CDH13: variants seen among roughly 807,000 people sequenced by gnomAD.
The protein encoded by CDH13 is cadherin 13, also known as cadherin-13.
A neutral mutation model predicts 63.8 loss-of-function variants in CDH13; 24 were observed. The observed-to-expected ratio is 0.38, with a 90% CI of 0.27 to 0.53. CDH13 has a LOEUF of 0.53. Among genes scored for constraint, CDH13 ranks in the 20% least tolerant of loss-of-function variants. CDH13 has a pLI of 0.85. For missense variants in CDH13, 1,049 were observed against 903.1 expected (o/e 1.16, Z -2.07); for synonymous variants, 503 against 355.3 (o/e 1.42, Z -4.67).
At chr16:83,038,441 C>G (rs969330412) in intron 3 of CDH13, among the ~76,000 whole-genome samples, 1 of 152,090 alleles carries the variant, frequency 6.6e-6, no homozygotes, top group African/African-American at 2.4e-5. Context: ...AGTTTAATTC[C>G]AAGTCTTTTG....
At chr16:82,791,224 G>GA (rs913964862) in intron 1 of CDH13, among the ~76,000 whole-genome samples, 1 of 128,148 alleles carries the variant, frequency 7.8e-6, no homozygotes, top group African/African-American at 3.0e-5. Context: ...GCGACAAAGC[G>GA]AGACTCCGTC....
At chr16:82,637,783 T>G (rs566861306) in intron 1 of CDH13, 2 of 152,326 alleles carry the variant, frequency 1.3e-5, no homozygotes, top group East Asian at 3.9e-4. Flanking sequence ...TTTAAGGAAC[T>G]GACCCAAGAT....
At chr16:82,950,617 C>T (rs1449144217) in intron 2 of CDH13, among the ~76,000 whole-genome samples, 2 of 152,084 alleles carry the variant, frequency 1.3e-5, no homozygotes, top group African/African-American at 4.8e-5. Flanking sequence ...CCTCTCCAGC[C>T]ACGTGTAACT....
chr16:82,643,644 C>G (rs559292024), intron 1 of CDH13, among the ~76,000 whole-genome samples: 52 of 152,300 alleles, frequency 3.4e-4, no homozygotes, highest in African/African-American at 1.2e-3. Context: ...AATTAAGAAC[C>G]ATCTTTTGCC....
intron 7 of CDH13, among the ~76,000 whole-genome samples, chr16:83,539,240 G>A (rs1460619113): frequency 6.6e-6 from 1 of 152,100 alleles, no homozygotes; most frequent in Non-Finnish European, 1.5e-5. Context: ...TCAGGCATTA[G>A]TTAGATTCTC....
intron 6 of CDH13, among the ~76,000 whole-genome samples, chr16:83,415,848 T>C (rs1324687091): frequency 1.3e-5 from 2 of 152,072 alleles, no homozygotes; most frequent in Admixed American, 1.3e-4. Flanking sequence ...AGAAACAAGA[T>C]AGGGATACTC....
chr16:82,879,357 A>G (rs934067096), intron 2 of CDH13, among the ~76,000 whole-genome samples: 4 of 151,586 alleles, frequency 2.6e-5, no homozygotes, highest in Admixed American at 6.6e-5. Flanking sequence ...ATTTCTATCC[A>G]TTAATGTCAT....
intron 6 of CDH13, among the ~76,000 whole-genome samples, chr16:83,448,029 T>G (rs1401786419): frequency 6.6e-6 from 1 of 152,192 alleles, no homozygotes. Flanking sequence ...GAGCAGGTAC[T>G]TCCAAGGGAA....
intron 2 of CDH13, among the ~76,000 whole-genome samples, chr16:83,001,453 A>G (rs938837724): frequency 2.6e-5 from 4 of 152,218 alleles, no homozygotes; most frequent in African/African-American, 7.2e-5. Flanking sequence ...TCCTGCTCCA[A>G]TGGGCCAGTA....
At chr16:83,000,223 A>ATTTTTTTTTTTTTTTTTTTTTTTTTT (rs746904500) in intron 2 of CDH13, among the ~76,000 whole-genome samples, 1 of 36,984 alleles carries the variant, frequency 2.7e-5, no homozygotes, top group Non-Finnish European at 6.0e-5. Context: ...GGTTTAGCTT[A>ATTTTTTTTTTTTTTTTTTTTTTTTTT]TTTTTTTTTT....
At chr16:83,716,724 C>T (rs1207540361) in intron 10 of CDH13, among the ~76,000 whole-genome samples, 2 of 152,148 alleles carry the variant, frequency 1.3e-5, no homozygotes, top group Non-Finnish European at 2.9e-5. Flanking sequence ...CCTCATGATC[C>T]GCCCTCCTCA....
chr16:83,686,400 C>A lies in CDH13; in HGVS notation c.1538+7939C>A, dbSNP rs543709857. 3.9e-5 allele frequency among the ~76,000 whole-genome samples: 6 copies of A among 152,330 alleles called. No individual in the cohort carries two copies. The East Asian group carries it at 9.6e-4, about 24-fold the overall frequency. ...TAGGCACAGGACTAAGACCTTCAGA[C>A]TTTCCACGGGCCTACAAAAATGTCA... On this transcript the variant is annotated intron_variant, in intron 10 of 13. Transcript: ENST00000567109.
chr16:83,283,229 A>G (rs8044880), intron 5 of CDH13, among the ~76,000 whole-genome samples: 66,845 of 151,964 alleles, frequency 0.44, 15,328 homozygotes, highest in East Asian at 0.67. Context: ...GATGATACCA[A>G]TGGCCAGGCC....
intron 4 of CDH13, among the ~76,000 whole-genome samples, chr16:83,177,305 G>A (rs1291956572): frequency 2.6e-5 from 4 of 152,044 alleles, no homozygotes; most frequent in Non-Finnish European, 5.9e-5. Context: ...TATTTCCCTC[G>A]CTAGTTCTTC....
At chr16:83,333,091 CA>C (rs2090512843) in intron 5 of CDH13, among the ~76,000 whole-genome samples, 1 of 152,070 alleles carries the variant, frequency 6.6e-6, no homozygotes, top group South Asian at 2.1e-4. Context: ...ACACCACATC[CA>C]GTCTGTCAAG....
chr16:83,097,782 A>G (rs1035769335), intron 3 of CDH13, among the ~76,000 whole-genome samples: 3 of 152,232 alleles, frequency 2.0e-5, no homozygotes, highest in Non-Finnish European at 2.9e-5. Context: ...CAGTACAAAA[A>G]GGAAATTACA....
rs916540701 is a variant in CDH13, at chr16:83,172,437, G to A, written c.484-44908G>A. 3.3e-5 allele frequency among the ~76,000 whole-genome samples: 5 copies of A among 152,140 alleles called. No homozygotes were observed. In the South Asian group the frequency reaches 6.2e-4, roughly 19 times the overall value. ...ACCCCAGAGGCGGAGGTTGCAGTGA[G>A]CTGAGATCACGCCATTGCACTTCAG... On this transcript the variant is annotated intron_variant, in intron 4 of 13. Coordinates refer to ENST00000567109, the MANE Select transcript of CDH13 (RefSeq NM_001257.5).
chr16:83,316,378 A>G (rs1224673188), intron 5 of CDH13, among the ~76,000 whole-genome samples: 2 of 152,146 alleles, frequency 1.3e-5, no homozygotes, highest in South Asian at 2.1e-4. Flanking sequence ...AGTTTGAACT[A>G]TTTCATATGT....
At chr16:82,666,185 T>A (rs957590817) in intron 1 of CDH13, among the ~76,000 whole-genome samples, 1 of 152,190 alleles carries the variant, frequency 6.6e-6, no homozygotes, top group Non-Finnish European at 1.5e-5. Flanking sequence ...TCAGGGAAGT[T>A]GGGATGTGTT....
Sources: allele counts gnomAD v4.1 joint callset (sites outside exome capture counted in the v4.1 genomes callset), GRCh38; gene constraint gnomAD v4.1.1; transcripts MANE v1.5; gene names NCBI Gene and HGNC (gene_info 2026-07-23, HGNC 2026-07-21).